The following NFYC variants were observed in gnomAD, a reference collection of about 807,000 sequenced individuals.
NFYC encodes the protein CAAT box DNA-binding protein subunit C.
In NFYC, 25 loss-of-function variants were observed where a neutral mutation model predicts 53.1. The ratio of observed to expected loss-of-function variants is 0.47; its 90% CI spans 0.34 to 0.66. NFYC has a LOEUF of 0.66. Ranked by LOEUF, NFYC falls within the 30% of genes least tolerant of loss-of-function variation. NFYC has a pLI of 0.01. For synonymous variants in NFYC, 145 were observed against 152.6 expected (o/e 0.95, Z 0.37); for missense variants, 260 against 422.7 (o/e 0.62, Z 3.38).
intron 6 of NFYC, among the ~76,000 whole-genome samples, chr1:40,758,709 C>T (rs1646368622): frequency 1.3e-5 from 2 of 152,198 alleles, no homozygotes; most frequent in South Asian, 2.1e-4. Flanking sequence ...CATACTCCTT[C>T]TCCCCGTCAT....
chr1:40,728,786 C>T (rs1488438504), intron 1 of NFYC, among the ~76,000 whole-genome samples: 3 of 151,892 alleles, frequency 2.0e-5, no homozygotes, highest in Non-Finnish European at 4.4e-5. Flanking sequence ...TACAGGTGCC[C>T]GCCACCACGC....
rs551972341 is a variant in NFYC at position 40,758,297 on chromosome 1, C to G, written c.561+3C>G. The G allele has an allele frequency of 6.2e-7, 1 of 1,601,308 alleles. No homozygotes were observed. ...TCGCACAGCCTCAGCAGGGCCAGGT[C>G]TGTGAGCTGCTGAGGATGCCCATCC... On this transcript the variant is annotated splice_donor_region_variant and intron_variant, in intron 6 of 9. Coordinates refer to ENST00000447388, the MANE Select transcript of NFYC (RefSeq NM_014223.5).
intron 1 of NFYC, among the ~76,000 whole-genome samples, chr1:40,703,439 C>T (rs2148425398): frequency 7.1e-6 from 1 of 141,514 alleles, no homozygotes; most frequent in Non-Finnish European, 1.5e-5. Context: ...CTGCAGTGAG[C>T]TGTGATCATG....
At chr1:40,721,899 G>T (rs551797555) in intron 1 of NFYC, among the ~76,000 whole-genome samples, 2 of 152,032 alleles carry the variant, frequency 1.3e-5, no homozygotes, top group South Asian at 4.1e-4. Flanking sequence ...GGCCGGGCGC[G>T]GTGGCTCATG....
At position 40,771,419 on chromosome 1, in the gene NFYC, T is replaced by G. The variant is rs1173574425; in HGVS notation, c.*591T>G. The G allele has an allele frequency of 8.5e-6, 4 of 470,860 alleles. No individual in the cohort carries two copies. The highest frequency in any genetic ancestry group is 8.8e-6 in the Non-Finnish European group (2 of 226,934). The allele number at this position is 470,860 out of a possible 1,614,324, so 29.2% of individuals were successfully genotyped here. ...CATTCTTTGCATTTAAGAGACAGAT[T>G]TATTCCCTGTGGAGAGTGGGTGGAT... On this transcript the variant is annotated 3_prime_UTR_variant, in exon 10 of 10. Transcript: ENST00000447388.
At position 40,770,332 on chromosome 1, in the gene NFYC, AGTTGGGG is replaced by A; in HGVS notation, c.889-376_889-370del. On this transcript the variant is annotated intron_variant, in intron 9 of 9. Transcript: ENST00000447388. This position sits in a 1 kb window ranked among gnomAD's most constrained non-coding sequence, Gnocchi z 5.3. ...GCCCCTGCCAGTGTAGATTACCAAGAGTTGGGGAAATGCTGACTTCCAAGCTGCTGGT... is the reference window on the plus strand; with the variant it reads ...GCCCCTGCCAGTGTAGATTACCAAGAAAATGCTGACTTCCAAGCTGCTGGT... 6.9e-7 allele frequency: 1 copy of A among 1,444,554 alleles called. No individual in the cohort carries two copies. Among genetic ancestry groups the A allele is most frequent in the Non-Finnish European group, 9.3e-7 (1 of 1,070,122 alleles). 89.5% of individuals were successfully genotyped at this position (1,444,554 alleles called of 1,614,324 possible).
At chr1:40,745,077 A>C (rs1003164668) in intron 2 of NFYC, among the ~76,000 whole-genome samples, 128 of 152,332 alleles carry the variant, frequency 8.4e-4, no homozygotes, top group African/African-American at 2.8e-3. Flanking sequence ...AGCAGAGCTT[A>C]TTATAAATTT....
rs746464551 is a variant in NFYC at position 40,691,871 on chromosome 1, T to G, written c.-9+4T>G. On this transcript the variant is annotated splice_donor_region_variant and intron_variant, in intron 1 of 9. Coordinates refer to ENST00000447388, the MANE Select transcript of NFYC (RefSeq NM_014223.5). The stretch of plus-strand genomic sequence containing the variant: ...CTTCCTGGACTCCTGAGCAGAGGTG[T>G]GTGAGTGTGCGGGAGTTTCTGTGCG... 5 of 400,614 alleles carry G rather than the reference T, an allele frequency of 1.2e-5. No individual in the cohort carries two copies. The East Asian group carries it at 2.9e-4, about 23-fold the overall frequency. 24.8% of individuals were successfully genotyped at this position (400,614 alleles called of 1,614,324 possible). A position where few individuals can be genotyped will look rare whatever the true frequency, so the allele number is the denominator to read the frequency against.
intron 3 of NFYC, 88 bp from the exon 4 acceptor site, chr1:40,749,485 A>T: frequency 2.0e-6 from 2 of 1,023,552 alleles, no homozygotes; most frequent in East Asian, 2.4e-5. Flanking sequence ...CCCTTGCCCC[A>T]TAGTCCCATG....
chr1:40,693,429 A>G (rs1642951416), intron 1 of NFYC, among the ~76,000 whole-genome samples: 1 of 152,154 alleles, frequency 6.6e-6, no homozygotes, highest in African/African-American at 2.4e-5. Flanking sequence ...TTTGTTAGGT[A>G]GTCCTTTTTA....
At chr1:40,764,542 G>A (rs2361651) in intron 7 of NFYC, among the ~76,000 whole-genome samples, 32,636 of 152,162 alleles carry the variant, frequency 0.21, 4,133 homozygotes, top group South Asian at 0.41. Context: ...ATTTAAGACA[G>A]AGAAGAGTTC....
At chr1:40,758,502 T>C in intron 6 of NFYC, 2 of 567,648 alleles carry the variant, frequency 3.5e-6, no homozygotes, top group Non-Finnish European at 6.0e-6. Context: ...AAAGGTCAAA[T>C]GAGGAAAGTG....
At chr1:40,740,376 T>C (rs926500815) in intron 2 of NFYC, among the ~76,000 whole-genome samples, 2 of 151,156 alleles carry the variant, frequency 1.3e-5, no homozygotes, top group Admixed American at 1.3e-4. Context: ...ATGGAACATA[T>C]ATTCTGATGA....
Position 40,769,412 on chromosome 1 carries a change from A to G in NFYC, c.885A>G (p.Gly295=). 1 of 1,614,076 alleles carries G rather than the reference A, an allele frequency of 6.2e-7. No homozygotes were observed. The highest frequency in any genetic ancestry group is 8.5e-7 in the Non-Finnish European group (1 of 1,179,978). Reference sequence around the variant, plus strand: ...AGCAGTTCAGCCAGTTCACAGATGGACAGGTAGGGTACCCAACCTGGGCTG... The same window carrying G: ...AGCAGTTCAGCCAGTTCACAGATGGGCAGGTAGGGTACCCAACCTGGGCTG... The part of the protein sequence containing the change: ...GQQQFSQFTD[G]QQLYQIQQVT... The change falls in exon 9 of 10, where the codon GGA becomes GGG. Residue 295 remains glycine (G), a synonymous_variant. Coordinates refer to ENST00000447388, the MANE Select transcript of NFYC (RefSeq NM_014223.5).
intron 1 of NFYC, among the ~76,000 whole-genome samples, chr1:40,711,803 G>A (rs1254289320): frequency 1.3e-5 from 2 of 152,166 alleles, no homozygotes; most frequent in African/African-American, 4.8e-5. Context: ...GTGTAAGTGG[G>A]GGAGGCTTAG....
chr1:40,700,409 A>G, intron 1 of NFYC, among the ~76,000 whole-genome samples: 1 of 152,142 alleles, frequency 6.6e-6, no homozygotes, highest in South Asian at 2.1e-4. Context: ...TGGTGTGATC[A>G]TAGCTCAATG....
intron 5 of NFYC, among the ~76,000 whole-genome samples, chr1:40,754,937 G>A (rs557061919): frequency 6.6e-6 from 1 of 152,154 alleles, no homozygotes; most frequent in Non-Finnish European, 1.5e-5. Context: ...GGTGTTCGAG[G>A]CATTGATTGG....
Position 40,770,627 on chromosome 1 carries a change from C to G in NFYC, c.889-82C>G. 1 of 1,614,068 alleles carries G rather than the reference C, an allele frequency of 6.2e-7. No individual in the cohort carries two copies. The highest frequency in any genetic ancestry group is 8.5e-7 in the Non-Finnish European group (1 of 1,179,992). ...GGGTGGTGGTTGAGGTATCTGGGAC[C>G]CCCAACCAGCTCGAGACCCATAGGG... On this transcript the variant is annotated intron_variant, in intron 9 of 9. Transcript: ENST00000447388. This position sits in a 1 kb window ranked among gnomAD's most constrained non-coding sequence, Gnocchi z 5.3.
intron 1 of NFYC, among the ~76,000 whole-genome samples, chr1:40,728,215 T>C (rs1406297697): frequency 6.6e-6 from 1 of 152,190 alleles, no homozygotes; most frequent in Non-Finnish European, 1.5e-5. Flanking sequence ...TGCCCGGCCA[T>C]GTATTTTCTT....
Sources: allele counts gnomAD v4.1 joint callset (sites outside exome capture counted in the v4.1 genomes callset), GRCh38; gene constraint gnomAD v4.1.1; non-coding constraint Gnocchi (gnomAD v3.1); transcripts MANE v1.5; gene names NCBI Gene and HGNC (gene_info 2026-07-23, HGNC 2026-07-21).